CADPS: variants seen among roughly 807,000 people sequenced by gnomAD.
CADPS encodes the protein calcium dependent secretion activator.
Under a neutral mutation model 167.3 loss-of-function variants are expected in CADPS, and 57 were observed. The ratio of observed to expected loss-of-function variants is 0.34; its 90% confidence interval spans 0.28 to 0.42. The LOEUF (loss-of-function observed/expected upper bound fraction) is 0.42. Among genes scored for constraint, CADPS ranks in the 20% least tolerant of loss-of-function variants. CADPS has a pLI of 1.00. For synonymous variants in CADPS, 676 were observed against 635.3 expected, an observed-to-expected ratio of 1.06 and a Z score of -0.96; for missense variants, 1,414 against 1,738.1, an observed-to-expected ratio of 0.81 and a Z score of 3.32.
In CADPS at chr3:62,585,337, A is replaced by C. The variant is rs374197238; in HGVS notation, c.1438-13T>G. On this transcript the variant is annotated splice_polypyrimidine_tract_variant and intron_variant, in intron 7 of 29. Coordinates refer to ENST00000383710, the MANE Select transcript of CADPS (RefSeq NM_003716.4). The stretch of plus-strand genomic sequence containing the variant: ...GATGGAGAATAACCTGTAGGGGAAA[A>C]AGGACAAGCAACTAGAAAAGAGAAG... 6.3e-7 allele frequency: 1 copy of C among 1,592,786 alleles called. No individual in the cohort carries two copies. Among genetic ancestry groups the C allele is most frequent in the Non-Finnish European group, 8.5e-7 (1 of 1,173,172 alleles).
intron 12 of CADPS, among the ~76,000 whole-genome samples, chr3:62,533,468 A>G (rs2151992182): frequency 6.6e-6 from 1 of 152,312 alleles, no homozygotes; most frequent in East Asian, 1.9e-4. Flanking sequence ...TTAATGCTCT[A>G]CATTGATATA....
chr3:62,664,890 C>G (rs556442036), intron 3 of CADPS, among the ~76,000 whole-genome samples: 1 of 152,278 alleles, frequency 6.6e-6, no homozygotes, highest in African/African-American at 2.4e-5. Flanking sequence ...TAGGCAAGGT[C>G]TACATTAAGC....
chr3:62,684,344 A>AT (rs2077617744), intron 3 of CADPS, among the ~76,000 whole-genome samples: 1 of 151,286 alleles, frequency 6.6e-6, no homozygotes, highest in African/African-American at 2.4e-5. Context: ...ATTTGGGGGG[A>AT]TTTTTTGGAG....
In CADPS at chr3:62,599,128, CA is replaced by C. The variant is rs1343749848; in HGVS notation, c.1326-6381del. The stretch of plus-strand genomic sequence containing the variant: ...GTGTCCCAGAACTGAAATACAATTG[CA>C]TTTTGATTTGAAAAGACCAGAGGTG... On this transcript the variant is annotated intron_variant, in intron 6 of 29. Coordinates refer to ENST00000383710, the MANE Select transcript of CADPS (RefSeq NM_003716.4). Among the ~76,000 whole-genome samples the C allele has an allele frequency of 4.6e-5, 7 of 151,956 alleles. 1 individual carries two copies. The highest frequency in any genetic ancestry group is 2.9e-5 in the Non-Finnish European group (2 of 68,000).
chr3:62,787,181 C>T (rs925654729), intron 1 of CADPS, among the ~76,000 whole-genome samples: 1 of 151,382 alleles, frequency 6.6e-6, no homozygotes, highest in East Asian at 1.9e-4. Context: ...TGTGGTCCCA[C>T]CTACGTGGGA....
At chr3:62,571,397 G>A (rs1247302629) in intron 8 of CADPS, among the ~76,000 whole-genome samples, 1 of 152,058 alleles carries the variant, frequency 6.6e-6, no homozygotes, top group Non-Finnish European at 1.5e-5. Context: ...ATTACAGGGA[G>A]CAAATTCCAA....
intron 7 of CADPS, among the ~76,000 whole-genome samples, chr3:62,591,452 T>A (rs73092206): frequency 0.083 from 12,600 of 152,118 alleles, 622 homozygotes; most frequent in East Asian, 0.26. Context: ...GGTGGGGAAA[T>A]GACAACAGAT....
At chr3:62,489,367 A>G (rs2063340433) in intron 21 of CADPS, among the ~76,000 whole-genome samples, 1 of 152,300 alleles carries the variant, frequency 6.6e-6, no homozygotes. Flanking sequence ...TCACCGTGTT[A>G]GCCAGGATGT....
chr3:62,726,629 A>T, intron 3 of CADPS, among the ~76,000 whole-genome samples: 1 of 151,960 alleles, frequency 6.6e-6, no homozygotes, highest in East Asian at 1.9e-4. Flanking sequence ...GTGTCTGGTT[A>T]TGCAGGGGAT....
intron 6 of CADPS, among the ~76,000 whole-genome samples, chr3:62,608,254 A>G (rs1428303583): frequency 2.0e-5 from 3 of 151,920 alleles, no homozygotes; most frequent in Admixed American, 2.0e-4. Context: ...AAAAAATACC[A>G]AAAAACTGTA....
chr3:62,637,009 T>A (rs1294221491), intron 6 of CADPS, among the ~76,000 whole-genome samples: 2 of 152,296 alleles, frequency 1.3e-5, no homozygotes, highest in East Asian at 3.9e-4. Context: ...CTAATTTCTC[T>A]GAGCTTCTCT....
At chr3:62,752,723 T>C (rs138433156) in intron 3 of CADPS, among the ~76,000 whole-genome samples, 2 of 152,342 alleles carry the variant, frequency 1.3e-5, no homozygotes, top group East Asian at 3.9e-4. Context: ...TCTCTAGGGC[T>C]AGCAGCTGGG....
rs531175929 is a variant in CADPS, at chr3:62,528,165, C to T, written c.2291+4706G>A. 1.5e-4 allele frequency among the ~76,000 whole-genome samples: 23 copies of T among 152,034 alleles called. No individual in the cohort carries two copies. In the South Asian group the frequency reaches 4.8e-3, roughly 32 times the overall value. On this transcript the variant is annotated intron_variant, in intron 13 of 29. Coordinates refer to ENST00000383710, the MANE Select transcript of CADPS (RefSeq NM_003716.4). ...ACAAATATCAAACGGCCAGGTTTGC[C>T]ATCTCACACCATATACAAGTGCTAA...
At chr3:62,641,757 G>T (rs2067461638) in intron 6 of CADPS, among the ~76,000 whole-genome samples, 1 of 152,102 alleles carries the variant, frequency 6.6e-6, no homozygotes, top group Non-Finnish European at 1.5e-5. Context: ...GAAATGAGAG[G>T]ATATAGTCTG....
intron 3 of CADPS, among the ~76,000 whole-genome samples, chr3:62,735,487 G>A (rs1431212688): frequency 6.6e-6 from 1 of 152,102 alleles, no homozygotes; most frequent in African/African-American, 2.4e-5. Context: ...GTATCATTTT[G>A]CATGTCTTAA....
At chr3:62,668,345 GC>G (rs1416360358) in intron 3 of CADPS, among the ~76,000 whole-genome samples, 1 of 152,072 alleles carries the variant, frequency 6.6e-6, no homozygotes, top group Non-Finnish European at 1.5e-5. Flanking sequence ...TAATGGTGTG[GC>G]CCCCTGCTGA....
Position 62,399,314 on chromosome 3 carries a change from T to C in CADPS, c.*92A>G, listed in dbSNP as rs1705036714. On this transcript the variant is annotated 3_prime_UTR_variant, in exon 30 of 30. Transcript: ENST00000383710. The surrounding 1 kb of genome is among the most constrained non-coding windows in gnomAD (Gnocchi z 5.6). Reference sequence around the variant, plus strand: ...GATAAACATCTCATGGGCATGGTAGTTGACAGAAAATTCCTAATGGGTTTA... The same window carrying C: ...GATAAACATCTCATGGGCATGGTAGCTGACAGAAAATTCCTAATGGGTTTA... 8.1e-7 allele frequency: 1 copy of C among 1,228,154 alleles called. No homozygotes were observed. The highest frequency in any genetic ancestry group is 1.2e-6 in the Non-Finnish European group (1 of 859,744). The allele number at this position is 1,228,154 out of a possible 1,614,324, so 76.1% of individuals were successfully genotyped here.
chr3:62,725,221 C>T (rs1387405956), intron 3 of CADPS, among the ~76,000 whole-genome samples: 1 of 152,164 alleles, frequency 6.6e-6, no homozygotes, highest in Non-Finnish European at 1.5e-5. Flanking sequence ...CTGCACTGTC[C>T]AAGATGGTAG....
intron 9 of CADPS, among the ~76,000 whole-genome samples, chr3:62,566,562 T>C (rs1372580527): frequency 6.6e-6 from 1 of 150,816 alleles, no homozygotes; most frequent in Non-Finnish European, 1.5e-5. Context: ...GATAAAGTGC[T>C]TCTAAATGTG....
Sources: gnomAD v4.1 joint callset for allele counts (sites outside exome capture counted in the v4.1 genomes callset) on GRCh38, gnomAD v4.1.1 for gene constraint, Gnocchi (gnomAD v3.1) non-coding constraint, MANE v1.5 for transcripts, NCBI Gene and HGNC (gene_info 2026-07-23, HGNC 2026-07-21) for gene names.